The following RBFOX2 variants were observed in gnomAD, a reference collection of about 807,000 sequenced individuals.
RBFOX2 encodes the protein RNA binding protein fox-1 homolog 2.
A neutral mutation model predicts 49.1 loss-of-function variants in RBFOX2; 10 were observed. The observed-to-expected ratio is 0.20, with a 90% CI of 0.13 to 0.35. RBFOX2 has a LOEUF of 0.35. RBFOX2 is among the 10% of genes least tolerant of loss of function. The pLI is 1.00. For synonymous variants in RBFOX2, 183 were observed against 187.4 expected (o/e 0.98, Z 0.19); for missense variants, 323 against 486.9 (o/e 0.66, Z 3.17).
chr22:35,995,568 G>C (rs993397141), intron 1 of RBFOX2: 7 of 152,198 alleles, frequency 4.6e-5, no homozygotes, highest in Admixed American at 1.3e-4. Flanking sequence ...GAATCATGGG[G>C]ACAGACATCC....
intron 1 of RBFOX2, among the ~76,000 whole-genome samples, chr22:35,850,197 C>CACACACACAT (rs921164339): frequency 1.4e-5 from 2 of 143,968 alleles, no homozygotes; most frequent in African/African-American, 5.5e-5. Flanking sequence ...CTCTCATACA[C>CACACACACAT]ACACACACAC....
intron 1 of RBFOX2, among the ~76,000 whole-genome samples, chr22:35,866,989 G>A (rs1471709926): frequency 6.6e-6 from 1 of 152,058 alleles, no homozygotes; most frequent in African/African-American, 2.4e-5. Context: ...TTTCATAACT[G>A]CATTGTGGTT....
At chr22:35,879,579 G>C (rs1192650241) in intron 1 of RBFOX2, among the ~76,000 whole-genome samples, 1 of 152,178 alleles carries the variant, frequency 6.6e-6, no homozygotes, top group Non-Finnish European at 1.5e-5. Flanking sequence ...ATGGCCAAAA[G>C]GCCTAAGTAG....
At chr22:35,840,229 G>A in exon 1 of RBFOX2, 1 of 1,614,054 alleles carries the variant, frequency 6.2e-7, no homozygotes, top group Non-Finnish European at 8.5e-7. Context: ...AAACCAAACG[G>A]ATAGATGATA....
At chr22:35,819,876 C>T (rs1954072230) in intron 1 of RBFOX2, among the ~76,000 whole-genome samples, 1 of 152,158 alleles carries the variant, frequency 6.6e-6, no homozygotes, top group Non-Finnish European at 1.5e-5. Flanking sequence ...TAAGGCTGGT[C>T]TAGCAAGGTA....
chr22:35,864,843 A>G (rs1330107522), intron 1 of RBFOX2, among the ~76,000 whole-genome samples: 2 of 152,214 alleles, frequency 1.3e-5, no homozygotes, highest in Non-Finnish European at 2.9e-5. Flanking sequence ...AATTCATCCA[A>G]TATTTTTTGA....
intron 1 of RBFOX2, among the ~76,000 whole-genome samples, chr22:35,833,411 T>C (rs1328963720): frequency 6.6e-6 from 1 of 152,232 alleles, no homozygotes. Flanking sequence ...ACTTTTCTAC[T>C]TATCATGGCC....
intron 2 of RBFOX2, among the ~76,000 whole-genome samples, chr22:35,795,929 T>C (rs984397954): frequency 1.3e-5 from 2 of 152,214 alleles, no homozygotes; most frequent in African/African-American, 4.8e-5. Flanking sequence ...CAACTAAAGA[T>C]ACTGTAAGCA....
At chr22:35,775,450 G>A (rs1943639623) in intron 4 of RBFOX2, among the ~76,000 whole-genome samples, 1 of 152,206 alleles carries the variant, frequency 6.6e-6, no homozygotes, top group African/African-American at 2.4e-5. Context: ...CAAGCTGACA[G>A]AAGCAGCCTA....
chr22:35,762,575 C>T (rs113963045), intron 6 of RBFOX2, among the ~76,000 whole-genome samples: 2 of 139,374 alleles, frequency 1.4e-5, no homozygotes, highest in African/African-American at 2.7e-5. Flanking sequence ...GGCGCAGTTT[C>T]GGCTCACCAC....
chr22:35,775,106 A>G (rs1256719303), intron 4 of RBFOX2, among the ~76,000 whole-genome samples: 1 of 152,180 alleles, frequency 6.6e-6, no homozygotes, highest in Non-Finnish European at 1.5e-5. Flanking sequence ...AACATATAAA[A>G]GGATTAAGAA....
intron 6 of RBFOX2, 52 bp from the exon 8 acceptor site, chr22:35,761,520 A>G (rs149251924): frequency 6.3e-7 from 1 of 1,590,694 alleles, no homozygotes; most frequent in African/African-American, 1.3e-5. Context: ...GAGGAAAGGG[A>G]TGATCAGTGC....
exon 12 of RBFOX2, chr22:35,744,099 G>T: frequency 1.0e-6 from 1 of 976,876 alleles, no homozygotes; most frequent in South Asian, 3.0e-5. Context: ...TTGTTTGTTT[G>T]TTTTTCCTCT....
intron 1 of RBFOX2, among the ~76,000 whole-genome samples, chr22:35,881,691 T>A (rs1306018050): frequency 6.6e-6 from 1 of 152,012 alleles, no homozygotes; most frequent in African/African-American, 2.4e-5. Flanking sequence ...CCGGGCACAG[T>A]GGCTCACACC....
chr22:35,946,428 A>C (rs1162590008), intron 1 of RBFOX2, among the ~76,000 whole-genome samples: 1 of 152,208 alleles, frequency 6.6e-6, no homozygotes, highest in Non-Finnish European at 1.5e-5. Context: ...AATCCTTAAT[A>C]TCTCTGACTC....
At chr22:35,751,515 G>A (rs1934914708) in intron 9 of RBFOX2, among the ~76,000 whole-genome samples, 1 of 152,050 alleles carries the variant, frequency 6.6e-6, no homozygotes, top group Non-Finnish European at 1.5e-5. Context: ...GGGCCTCCAG[G>A]AATCACTTTA....
intron 9 of RBFOX2, 83 bp from the exon 12 acceptor site, chr22:35,746,644 G>A (rs890754963): frequency 7.3e-5 from 54 of 737,848 alleles, no homozygotes; most frequent in Admixed American, 4.9e-4. Flanking sequence ...ACACACAGAC[G>A]TACACACATG....
chr22:35,842,045 T>TA (rs771919238), upstream of RBFOX2, among the ~76,000 whole-genome samples: 4 of 152,204 alleles, frequency 2.6e-5, no homozygotes, highest in Non-Finnish European at 5.9e-5. Flanking sequence ...ATTCAATTTT[T>TA]AAAATTTTAA....
chr22:35,745,833 G>T (rs1932437299), intron 11 of RBFOX2, 90 bp downstream of exon 13: 1 of 1,342,150 alleles, frequency 7.5e-7, no homozygotes, highest in Non-Finnish European at 1.1e-6. Context: ...ATGAAAGGCT[G>T]AATTTACTAC....
Sources: allele counts gnomAD v4.1 joint callset (sites outside exome capture counted in the v4.1 genomes callset), GRCh38; gene constraint gnomAD v4.1.1; transcripts MANE v1.5; gene names NCBI Gene and HGNC (gene_info 2026-07-23, HGNC 2026-07-21).